NAALADL1: variants seen among roughly 807,000 people sequenced by gnomAD.
The protein encoded by NAALADL1 is N-acetylated alpha-linked acidic dipeptidase like 1, also known as aminopeptidase NAALADL1.
In NAALADL1, 77 loss-of-function variants were observed where a neutral mutation model predicts 82.8. The ratio of observed to expected loss-of-function variants is 0.93; its 90% CI spans 0.77 to 1.12. The LOEUF (loss-of-function observed/expected upper bound fraction) is 1.12, where lower values mean the gene tolerates loss of function less well. Ranked by LOEUF, NAALADL1 falls within the 50% of genes most tolerant of loss-of-function variation. The pLI, the probability that NAALADL1 is intolerant of heterozygous loss-of-function variation, is 0.00. For missense variants in NAALADL1, 956 were observed against 964.0 expected (o/e 0.99, Z 0.11); for synonymous variants, 358 against 399.2 (o/e 0.90, Z 1.23).
rs1268488775 is a variant in NAALADL1 at position 65,048,221 on chromosome 11, G to T, written c.1285-6C>A. The T allele has an allele frequency of 6.2e-7, 1 of 1,613,922 alleles. No homozygotes were observed. ...TGCAGCTTGTTGAAGAACTCCTGCG[G>T]GTGCGAGGGGCGACGTCAGCCCCGC... On this transcript the variant is annotated splice_polypyrimidine_tract_variant and splice_region_variant and intron_variant, in intron 9 of 17. Transcript: ENST00000358658.
chr11:65,045,613 C>T (rs967414243), intron 17 of NAALADL1, 156 bp from the exon 18 acceptor site: 4 of 944,168 alleles, frequency 4.2e-6, no homozygotes, highest in South Asian at 3.5e-5. Flanking sequence ...ACAGCAGTGG[C>T]GGTCGGGGGA....
rs758161331 is a variant in NAALADL1 at position 65,046,372 on chromosome 11, G to T, written c.1682-10C>A. ...TGATGGCTGCTGAAGCCTGCGGCAA[G>T]GTGACAAGGCCAGGGCTCAGTCTTC... On this transcript the variant is annotated splice_polypyrimidine_tract_variant and intron_variant, in intron 14 of 17. Coordinates refer to ENST00000358658, the MANE Select transcript of NAALADL1 (RefSeq NM_005468.3). The T allele has an allele frequency of 6.2e-7, 1 of 1,614,216 alleles. No individual in the cohort carries two copies. Among genetic ancestry groups the T allele is most frequent in the Non-Finnish European group, 8.5e-7 (1 of 1,180,032 alleles).
Position 65,058,470 on chromosome 11 carries a change from C to A in NAALADL1, c.52G>T (p.Gly18Trp), listed in dbSNP as rs1390754962. 6.2e-7 allele frequency: 1 copy of A among 1,613,024 alleles called. No homozygotes were observed. Among genetic ancestry groups the A allele is most frequent in the East Asian group, 2.2e-5 (1 of 44,866 alleles). ...GLGLGAAALL[G>W]LGIILGHFAI... ...AAGTGGCCGAGGATGATCCCCAGCCCCAAGAGGGCAGCAGCCCCCAGCCCC... is the reference window on the plus strand; with the variant it reads ...AAGTGGCCGAGGATGATCCCCAGCCACAAGAGGGCAGCAGCCCCCAGCCCC... The change falls in exon 1 of 18, where the codon GGG (glycine) becomes TGG (tryptophan). Residue 18 changes from glycine to tryptophan, a missense_variant. Gly to Trp is a radical substitution (Grantham distance 184). Transcript: ENST00000358658.
Position 65,054,707 on chromosome 11 carries a change from C to G in NAALADL1, c.635G>C (p.Gly212Ala), listed in dbSNP as rs1466434195. ...GGCAGGGTCTGTGTACACCAGCACCCCAGCTACCCCGTGCTTGGCAGCGTT... is the reference window on the plus strand; with the variant it reads ...GGCAGGGTCTGTGTACACCAGCACCGCAGCTACCCCGTGCTTGGCAGCGTT... ...AVNAAKHGVA[G>A]VLVYTDPADI... Residue 212 changes from glycine to alanine, a missense_variant, in exon 5 of 18, where the codon GGG becomes GCG. Gly to Ala is a moderately conservative substitution (Grantham distance 60). Transcript: ENST00000358658. This position sits in a 1 kb window ranked among gnomAD's most constrained non-coding sequence, Gnocchi z 4.3. The G allele has an allele frequency of 6.2e-7, 1 of 1,614,000 alleles. No individual in the cohort carries two copies. Among genetic ancestry groups the G allele is most frequent in the African/African-American group, 1.3e-5 (1 of 75,022 alleles).
Position 65,045,903 on chromosome 11 carries a change from A to G in NAALADL1, c.1955T>C (p.Val652Ala). ...LQKGSPDPLQ[V>A]RMLNDQLMLL... is the part of the protein sequence containing the mutation. ...CATCAACTGGTCATTGAGCATCCGGACCTGCAGGGGGCTGGTGGGGAGGCA... is the reference window on the plus strand; with the variant it reads ...CATCAACTGGTCATTGAGCATCCGGGCCTGCAGGGGGCTGGTGGGGAGGCA... The change falls in exon 17 of 18, where the codon GTC (valine) becomes GCC (alanine). Residue 652 changes from valine (V) to alanine (A), a missense_variant. Coordinates refer to ENST00000358658, the MANE Select transcript of NAALADL1 (RefSeq NM_005468.3). The G allele has an allele frequency of 6.2e-7, 1 of 1,614,042 alleles. No homozygotes were observed. Among genetic ancestry groups the G allele is most frequent in the Non-Finnish European group, 8.5e-7 (1 of 1,179,986 alleles).
At chr11:65,059,385 C>T (rs1947134667), upstream of NAALADL1, among the ~76,000 whole-genome samples, 1 of 152,152 alleles carries the variant, frequency 6.6e-6, no homozygotes, top group Non-Finnish European at 1.5e-5. Flanking sequence ...AGTGGGAGCT[C>T]ATCAATTTTA....
At position 65,054,354 on chromosome 11, in the gene NAALADL1, A is replaced by T. The variant is rs201604897; in HGVS notation, c.888T>A (p.Cys296Ter). 5.0e-5 allele frequency: 80 copies of T among 1,613,936 alleles called. 1 individual carries two copies. In the African/African-American group the frequency reaches 9.7e-4, roughly 20 times the overall value. The change falls in exon 6 of 18, where the codon TGT becomes TGA. Residue 296 changes from cysteine to a stop codon, truncating the protein, a stop_gained and splice_region_variant. Transcript: ENST00000358658. LOFTEE classifies it high-confidence loss of function. The surrounding 1 kb of genome is among the most constrained non-coding windows in gnomAD (Gnocchi z 4.3). Reference protein sequence around the residue: ...IGFQDARDLLCNLNGTLAPAT... With the variant: ...IGFQDARDLL Reference sequence around the variant, plus strand: ...CTGGGGCCAAAGTTCCGTTGAGGTTACTGGGGAGGAGGAAGAGGCCCTTCA... The same window carrying T: ...CTGGGGCCAAAGTTCCGTTGAGGTTTCTGGGGAGGAGGAAGAGGCCCTTCA...
chr11:65,052,377 G>C (rs1193568831), intron 8 of NAALADL1, among the ~76,000 whole-genome samples: 2 of 151,802 alleles, frequency 1.3e-5, no homozygotes, highest in African/African-American at 4.8e-5. Flanking sequence ...GCAGTGGCGC[G>C]ATCTCAGCTC....
chr11:65,048,849 G>T (rs1444445178), intron 8 of NAALADL1, among the ~76,000 whole-genome samples: 1 of 152,174 alleles, frequency 6.6e-6, no homozygotes, highest in Non-Finnish European at 1.5e-5. Flanking sequence ...CTTTCCCAGG[G>T]TCACACGGCT....
rs372854698 is a variant in NAALADL1 at position 65,048,313 on chromosome 11, G to A, written c.1271C>T (p.Thr424Met). ...AGGGCCACTCACTTCTGTGAATTCC[G>A]TGGAGCCAATGAGCCCAAACTCCTC... ...GAEEFGLIGS[T>M]EFTEEFFNKL... Residue 424 changes from threonine (T) to methionine (M), a missense_variant, in exon 9 of 18, where the codon ACG (threonine) becomes ATG (methionine). By Grantham distance (81) the Thr-to-Met change is moderately conservative. Transcript: ENST00000358658. The A allele has an allele frequency of 2.5e-6, 4 of 1,614,152 alleles. No individual in the cohort carries two copies. The highest frequency in any genetic ancestry group is 1.6e-4 in the Middle Eastern group (1 of 6,062).
Position 65,048,257 on chromosome 11 carries a change from C to T in NAALADL1, c.1285-42G>A, listed in dbSNP as rs757543529. 18 of 1,614,176 alleles carry T rather than the reference C, an allele frequency of 1.1e-5. No homozygotes were observed. In the South Asian group the frequency reaches 1.6e-4, roughly 15 times the overall value. On this transcript the variant is annotated intron_variant, in intron 9 of 17. Transcript: ENST00000358658. ...CGACGTCAGCCCCGCGCCGTTCTGT[C>T]CTGGGAACCCCTTTCGATCCCCTAC...
At chr11:65,050,484 T>TA (rs1028629451) in intron 8 of NAALADL1, among the ~76,000 whole-genome samples, 65 of 135,910 alleles carry the variant, frequency 4.8e-4, no homozygotes, top group Non-Finnish European at 7.6e-4. Context: ...TCTAAATAAT[T>TA]AAAAAAAAAA....
At position 65,044,829 on chromosome 11, in the gene NAALADL1, C is replaced by G. The variant is rs1209840300; in HGVS notation, c.*442G>C. 2.4e-6 allele frequency: 3 copies of G among 1,275,920 alleles called. No individual in the cohort carries two copies. Among genetic ancestry groups the G allele is most frequent in the African/African-American group, 3.0e-5 (2 of 66,878 alleles). The allele number at this position is 1,275,920 out of a possible 1,614,324, so 79.0% of individuals were successfully genotyped here. A position where few individuals can be genotyped will look rare whatever the true frequency, so the allele number is the denominator to read the frequency against. ...ATAAAAGGAACTTGTTTTGTTGGTA[C>G]CAGTCACTAGATGTGATTTATTTGA... is the stretch of plus-strand genomic sequence containing the variant. On this transcript the variant is annotated 3_prime_UTR_variant, in exon 18 of 18. Transcript: ENST00000358658. The surrounding 1 kb of genome is among the most constrained non-coding windows in gnomAD (Gnocchi z 4.0).
In NAALADL1 at chr11:65,057,369, A is replaced by C. The variant is rs1391432962; in HGVS notation, c.603+2T>G. The C allele has an allele frequency of 6.2e-7, 1 of 1,603,072 alleles. No homozygotes were observed. The highest frequency in any genetic ancestry group is 1.1e-5 in the South Asian group (1 of 89,596). On this transcript the variant is annotated splice_donor_variant, in intron 4 of 17. Transcript: ENST00000358658. LOFTEE classifies it high-confidence loss of function. ...CTCCTGCACTGGGGGACTGCCACTC[A>C]CCTTGGCCCCACGCCCTACACCCCC...
rs1642147978 is a variant in NAALADL1 at position 65,054,814 on chromosome 11, C to T, written c.604-76G>A. The T allele has an allele frequency of 3.9e-6, 6 of 1,533,330 alleles. No homozygotes were observed. Among genetic ancestry groups the T allele is most frequent in the Non-Finnish European group, 8.8e-7 (1 of 1,138,166 alleles). 95.0% of individuals were successfully genotyped at this position (1,533,330 alleles called of 1,614,324 possible). On this transcript the variant is annotated intron_variant, in intron 4 of 17. Coordinates refer to ENST00000358658, the MANE Select transcript of NAALADL1 (RefSeq NM_005468.3). This position sits in a 1 kb window ranked among gnomAD's most constrained non-coding sequence, Gnocchi z 4.3. ...TGTCCTATTCCTCTTCCTCCTTCCTCGACTGTGGAAGCCAGGATAGACCAA... is the reference window on the plus strand; with the variant it reads ...TGTCCTATTCCTCTTCCTCCTTCCTTGACTGTGGAAGCCAGGATAGACCAA...
At position 65,057,473 on chromosome 11, in the gene NAALADL1, G is replaced by C; in HGVS notation, c.501C>G (p.Asn167Lys). Residue 167 changes from asparagine to lysine, a missense_variant, in exon 4 of 18, where the codon AAC (asparagine) becomes AAG (lysine). By Grantham distance (94) the Asn-to-Lys change is moderately conservative. Coordinates refer to ENST00000358658, the MANE Select transcript of NAALADL1 (RefSeq NM_005468.3). ...CCTTAAAGTCTTCTTCCGCGCCCCG[G>C]TTGGCATAGACGAGGAGGCCCTAGT... is the stretch of plus-strand genomic sequence containing the variant. ...GTPQGLLVYA[N>K]RGAEEDFKEL... is the part of the protein sequence containing the mutation. 6.2e-7 allele frequency: 1 copy of C among 1,614,004 alleles called. No individual in the cohort carries two copies. Among genetic ancestry groups the C allele is most frequent in the Non-Finnish European group, 8.5e-7 (1 of 1,179,918 alleles).
At chr11:65,046,675 CTG>C in intron 13 of NAALADL1, 149 bp from the exon 14 acceptor site, 2 of 770,780 alleles carry the variant, frequency 2.6e-6, no homozygotes, top group South Asian at 1.7e-5. Context: ...GAAAAGGAAA[CTG>C]AAGCTCAGAG....
In NAALADL1 at chr11:65,045,125, C is replaced by T. The variant is rs1172141687; in HGVS notation, c.*146G>A. On this transcript the variant is annotated 3_prime_UTR_variant, in exon 18 of 18. Transcript: ENST00000358658. ...AGTTGCATTAGGGCTTGCCACTCCC[C>T]TCAGGGACCTCAAGCTGTTGCCTGA... The T allele has an allele frequency of 2.2e-6, 2 of 910,448 alleles. No homozygotes were observed. The highest frequency in any genetic ancestry group is 1.7e-5 in the African/African-American group (1 of 59,530). The allele number at this position is 910,448 out of a possible 1,614,324, so 56.4% of individuals were successfully genotyped here.
chr11:65,054,634 G>A lies in NAALADL1; in HGVS notation c.708C>T (p.Ser236=). 6.2e-7 allele frequency: 1 copy of A among 1,614,148 alleles called. No individual in the cohort carries two copies. The highest frequency in any genetic ancestry group is 8.5e-7 in the Non-Finnish European group (1 of 1,180,018). The part of the protein sequence containing the change: ...LSSPDETFPN[S]WYLPPSGVER... ...CCACTCCTGAGGGGGGCAGGTACCA[G>A]GAGTTGGGAAAGGTTTCGTCGGGTG... Residue 236 remains serine (S), a synonymous_variant, in exon 5 of 18, where the codon TCC becomes TCT. Coordinates refer to ENST00000358658, the MANE Select transcript of NAALADL1 (RefSeq NM_005468.3). This position sits in a 1 kb window ranked among gnomAD's most constrained non-coding sequence, Gnocchi z 4.3.
Sources: gnomAD v4.1 joint callset for allele counts (sites outside exome capture counted in the v4.1 genomes callset) on GRCh38, gnomAD v4.1.1 for gene constraint, Gnocchi (gnomAD v3.1) non-coding constraint, MANE v1.5 for transcripts, NCBI Gene and HGNC (gene_info 2026-07-23, HGNC 2026-07-21) for gene names.